The following LCOR variants were observed in gnomAD, a reference collection of about 807,000 sequenced individuals.
LCOR encodes ligand dependent nuclear receptor corepressor, also known as ligand-dependent corepressor.
A neutral mutation model predicts 64.4 loss-of-function variants in LCOR; 14 were observed. The ratio of observed to expected loss-of-function variants is 0.22; its 90% CI spans 0.14 to 0.34. The LOEUF (loss-of-function observed/expected upper bound fraction) is 0.34. Among genes scored for constraint, LCOR ranks in the 10% least tolerant of loss-of-function variants. The pLI is 1.00. For missense variants in LCOR, 1,686 were observed against 1,765.3 expected, an observed-to-expected ratio of 0.96 and a Z score of 0.80; for synonymous variants, 643 against 642.5, an observed-to-expected ratio of 1.00 and a Z score of -0.01.
intron 7 of LCOR, among the ~76,000 whole-genome samples, chr10:96,969,821 C>G (rs1847982623): frequency 1.4e-5 from 2 of 146,748 alleles, no homozygotes; most frequent in East Asian, 3.9e-4. Context: ...GCTCTGTTGC[C>G]CAGGCTGGAG....
At chr10:96,959,731 T>G (rs773770397) in intron 7 of LCOR, 2 of 152,210 alleles carry the variant, frequency 1.3e-5, no homozygotes, top group Non-Finnish European at 2.9e-5. Context: ...TATAATACTT[T>G]TTAATATTAA....
intron 4 of LCOR, among the ~76,000 whole-genome samples, chr10:96,923,339 A>G (rs950433395): frequency 6.6e-6 from 1 of 152,224 alleles, no homozygotes; most frequent in Non-Finnish European, 1.5e-5. Flanking sequence ...TCTATCCTAT[A>G]GTATGAATTT....
At position 96,985,910 on chromosome 10, in the gene LCOR, C is replaced by T. The variant is rs1017953182; in HGVS notation, c.*776C>T. On this transcript the variant is annotated 3_prime_UTR_variant, in exon 8 of 8. Transcript: ENST00000421806. ...CTGTATTACTAATTCTCACCATCTT[C>T]TTCATTTCTGGTCTTGCTAGCACTC... 1.8e-5 allele frequency: 3 copies of T among 167,040 alleles called. No homozygotes were observed. Among genetic ancestry groups the T allele is most frequent in the African/African-American group, 7.2e-5 (3 of 41,438 alleles). The allele number at this position is 167,040 out of a possible 1,614,324, so 10.3% of individuals were successfully genotyped here.
intron 7 of LCOR, among the ~76,000 whole-genome samples, chr10:96,952,545 C>T (rs540867428): frequency 6.8e-6 from 1 of 147,252 alleles, no homozygotes; most frequent in South Asian, 2.2e-4. Context: ...AACTCCAATA[C>T]TTGGTATCTC....
intron 2 of LCOR, among the ~76,000 whole-genome samples, chr10:96,858,301 C>T (rs1218046429): frequency 1.3e-5 from 2 of 152,138 alleles, no homozygotes; most frequent in Non-Finnish European, 2.9e-5. Flanking sequence ...GAGCATGTTA[C>T]TCTGAGGTTT....
intron 4 of LCOR, among the ~76,000 whole-genome samples, chr10:96,930,494 T>A (rs1847239041): frequency 6.6e-6 from 1 of 152,258 alleles, no homozygotes; most frequent in African/African-American, 2.4e-5. Context: ...GTAGTGGTAT[T>A]TCAGTTTACA....
intron 7 of LCOR, among the ~76,000 whole-genome samples, chr10:96,979,125 G>GTT (rs1848061316): frequency 1.3e-5 from 2 of 152,122 alleles, no homozygotes; most frequent in Non-Finnish European, 2.9e-5. Flanking sequence ...GGTTGTCTAG[G>GTT]GTCAGCCTTC....
intron 7 of LCOR, among the ~76,000 whole-genome samples, chr10:96,967,772 T>C (rs912706487): frequency 3.3e-5 from 5 of 152,220 alleles, no homozygotes; most frequent in East Asian, 3.8e-4. Context: ...GTTTTTGTTA[T>C]GAAGTGTGTA....
intron 6 of LCOR, among the ~76,000 whole-genome samples, chr10:96,950,481 G>A (rs1169641963): frequency 6.6e-6 from 1 of 152,020 alleles, no homozygotes; most frequent in Admixed American, 6.6e-5. Flanking sequence ...TCTAAATATT[G>A]CATCAGAAGT....
At chr10:96,872,149 G>T (rs540295268) in intron 2 of LCOR, among the ~76,000 whole-genome samples, 2 of 152,232 alleles carry the variant, frequency 1.3e-5, no homozygotes, top group Non-Finnish European at 2.9e-5. Context: ...TACATAGATA[G>T]CCATGTCTGA....
chr10:96,832,929 C>T (rs910113548), intron 1 of LCOR: 49 of 948,698 alleles, frequency 5.2e-5, no homozygotes, highest in African/African-American at 1.8e-5. Flanking sequence ...CGGCGGGCTG[C>T]AGGCGGGCGC....
intron 1 of LCOR, chr10:96,833,011 G>T: frequency 1.0e-6 from 1 of 985,340 alleles, no homozygotes; most frequent in Non-Finnish European, 1.2e-6. Context: ...CACAGTCCCC[G>T]GGTGCGCCTG....
chr10:96,863,453 CT>C (rs1340924580), intron 2 of LCOR, among the ~76,000 whole-genome samples: 9 of 152,162 alleles, frequency 5.9e-5, no homozygotes, highest in African/African-American at 2.2e-4. Flanking sequence ...ATCTACCCAC[CT>C]CGGCCTCCCA....
chr10:96,840,950 C>G (rs3908611), intron 2 of LCOR, among the ~76,000 whole-genome samples: 38 of 152,196 alleles, frequency 2.5e-4, no homozygotes, highest in Non-Finnish European at 4.7e-4. Flanking sequence ...CAAGCCTGGG[C>G]AACATGGTGA....
In LCOR at chr10:96,992,270, T is replaced by A. The variant is rs929314595; in HGVS notation, c.*7136T>A. ...TATTTATACACACCACTGTGGAATTTATTTCACTGTGTAAATAGTGATATT... is the reference window on the plus strand; with the variant it reads ...TATTTATACACACCACTGTGGAATTAATTTCACTGTGTAAATAGTGATATT... On this transcript the variant is annotated 3_prime_UTR_variant, in exon 8 of 8. Coordinates refer to ENST00000421806, the MANE Select transcript of LCOR (RefSeq NM_001346516.2). 6.6e-6 allele frequency: 1 copy of A among 152,258 alleles called. No homozygotes were observed. Among genetic ancestry groups the A allele is most frequent in the African/African-American group, 2.4e-5 (1 of 41,468 alleles). 9.4% of individuals were successfully genotyped at this position (152,258 alleles called of 1,614,324 possible).
rs764972999 is a variant in LCOR at position 96,983,804 on chromosome 10, A to G, written c.3344A>G (p.Asn1115Ser). The change falls in exon 8 of 8, where the codon AAT becomes AGT. Residue 1115 changes from asparagine to serine, a missense_variant. By Grantham distance (46) the Asn-to-Ser change is conservative (BLOSUM62 1). Transcript: ENST00000421806. This position sits in a 1 kb window ranked among gnomAD's most constrained non-coding sequence, Gnocchi z 4.5. Reference sequence around the variant, plus strand: ...AACCAAGAGCTCATCGCCAACTTCAATGCCCAGTACATGAAAGTTCAGAAG... The same window carrying G: ...AACCAAGAGCTCATCGCCAACTTCAGTGCCCAGTACATGAAAGTTCAGAAG... ...EENQELIANF[N>S]AQYMKVQKGW... 68 of 1,614,078 alleles carry G rather than the reference A, an allele frequency of 4.2e-5. No individual in the cohort carries two copies. The highest frequency in any genetic ancestry group is 5.4e-5 in the Non-Finnish European group (64 of 1,180,042).
chr10:96,873,743 C>T (rs1485260969), intron 2 of LCOR, among the ~76,000 whole-genome samples: 2 of 151,938 alleles, frequency 1.3e-5, no homozygotes, highest in African/African-American at 2.4e-5. Flanking sequence ...GCTGGGATTA[C>T]AGGAGCCCAC....
In LCOR at chr10:96,876,883, C is replaced by T. The variant is rs148283086; in HGVS notation, c.-329-30382C>T. On this transcript the variant is annotated intron_variant, in intron 2 of 7. Transcript: ENST00000421806. The stretch of plus-strand genomic sequence containing the variant: ...TAATTTCTTGTATTTTTAGTAGAGA[C>T]AGGGTTTCATTATGTTGGCCAGGTT... 2.0e-3 allele frequency among the ~76,000 whole-genome samples: 309 copies of T among 152,164 alleles called. 12 individuals are homozygous for T. In the East Asian group the frequency reaches 0.051, roughly 25 times the overall value.
rs556679492 is a variant in LCOR at position 96,839,296 on chromosome 10, T to C, written c.-330+5817T>C. Among the ~76,000 whole-genome samples the C allele has an allele frequency of 9.2e-5, 14 of 152,238 alleles. No individual in the cohort carries two copies. In the East Asian group the frequency reaches 2.7e-3, roughly 29 times the overall value. On this transcript the variant is annotated intron_variant, in intron 2 of 7. Coordinates refer to ENST00000421806, the MANE Select transcript of LCOR (RefSeq NM_001346516.2). Reference sequence around the variant, plus strand: ...GCTTTGCAGATATTTTTTCTCATACTCCCCATTTAAGAACAAATACAGATC... The same window carrying C: ...GCTTTGCAGATATTTTTTCTCATACCCCCCATTTAAGAACAAATACAGATC...
Sources: gnomAD v4.1 joint callset for allele counts (sites outside exome capture counted in the v4.1 genomes callset) on GRCh38, gnomAD v4.1.1 for gene constraint, Gnocchi (gnomAD v3.1) non-coding constraint, MANE v1.5 for transcripts, NCBI Gene and HGNC (gene_info 2026-07-23, HGNC 2026-07-21) for gene names.